The following RORA variants were observed in gnomAD, a reference collection of about 807,000 sequenced individuals.
RORA encodes nuclear receptor ROR-alpha.
Under a neutral mutation model 69.5 loss-of-function variants are expected in RORA, and 7 were observed. The observed-to-expected ratio is 0.10, with a 90% CI of 0.06 to 0.19. The LOEUF (loss-of-function observed/expected upper bound fraction) is 0.19. Ranked by LOEUF, RORA falls within the 10% of genes least tolerant of loss-of-function variation. RORA has a pLI of 1.00. For missense variants in RORA, 457 were observed against 663.0 expected (o/e 0.69, Z 3.41); for synonymous variants, 261 against 240.8 (o/e 1.08, Z -0.78).
intron 3 of RORA, among the ~76,000 whole-genome samples, chr15:60,515,983 ATATATATT>A (rs1567051101): frequency 1.5e-3 from 11 of 7,424 alleles, no homozygotes; most frequent in African/African-American, 3.5e-3. Flanking sequence ...TTATATATTT[ATATATATT>A]TATATATATT....
intron 1 of RORA, among the ~76,000 whole-genome samples, chr15:60,917,195 CA>C (rs1891900144): frequency 2.0e-5 from 3 of 152,214 alleles, no homozygotes; most frequent in African/African-American, 7.2e-5. Flanking sequence ...AAATGTCATG[CA>C]TTTTCAATCC....
intron 1 of RORA, among the ~76,000 whole-genome samples, chr15:60,950,947 C>T (rs1202225666): frequency 6.6e-6 from 1 of 150,468 alleles, no homozygotes; most frequent in East Asian, 2.0e-4. Context: ...ACGTAATAGA[C>T]ATCTACAGAA....
At chr15:61,037,922 G>A (rs1896542914) in intron 1 of RORA, among the ~76,000 whole-genome samples, 1 of 152,156 alleles carries the variant, frequency 6.6e-6, no homozygotes, top group African/African-American at 2.4e-5. Flanking sequence ...AATAAGGCAA[G>A]CCTATGAAAT....
intron 1 of RORA, among the ~76,000 whole-genome samples, chr15:61,221,258 G>A (rs1447775228): frequency 6.6e-6 from 1 of 152,150 alleles, no homozygotes; most frequent in African/African-American, 2.4e-5. Context: ...TCATATTTAT[G>A]GCTTTTGTTT....
At chr15:61,143,128 G>A (rs1281732231) in intron 1 of RORA, among the ~76,000 whole-genome samples, 1 of 152,086 alleles carries the variant, frequency 6.6e-6, no homozygotes, top group African/African-American at 2.4e-5. Flanking sequence ...GATACATTAG[G>A]AGAGAAGGCA....
At chr15:61,200,232 T>C (rs986590925) in intron 1 of RORA, among the ~76,000 whole-genome samples, 1 of 152,196 alleles carries the variant, frequency 6.6e-6, no homozygotes, top group Admixed American at 6.5e-5. Flanking sequence ...ACTGACTTTC[T>C]GAGGAATGGC....
rs1331866838 is a variant in RORA at position 60,951,146 on chromosome 15, T to C, written c.167-272460A>G. Reference sequence around the variant, plus strand: ...CGGGATTAAGAATCTCACTCAAAACTGCTCAACTACATGGAAACTGAACAA... The same window carrying C: ...CGGGATTAAGAATCTCACTCAAAACCGCTCAACTACATGGAAACTGAACAA... On this transcript the variant is annotated intron_variant, in intron 1 of 10. Coordinates refer to ENST00000335670, the MANE Select transcript of RORA (RefSeq NM_134261.3). 1.1e-4 allele frequency among the ~76,000 whole-genome samples: 17 copies of C among 152,250 alleles called. No homozygotes were observed. The East Asian group carries it at 2.3e-3, about 21-fold the overall frequency.
At chr15:60,647,039 C>G (rs1239311698) in intron 2 of RORA, among the ~76,000 whole-genome samples, 3 of 152,220 alleles carry the variant, frequency 2.0e-5, no homozygotes, top group Non-Finnish European at 4.4e-5. Context: ...AGAGATGTAA[C>G]TAGCTATTCT....
chr15:61,134,572 T>C (rs2079219486), intron 1 of RORA, among the ~76,000 whole-genome samples: 1 of 152,182 alleles, frequency 6.6e-6, no homozygotes. Flanking sequence ...CTGCAAGAAT[T>C]CCTATTCTCA....
At chr15:61,016,333 T>C (rs1041048810) in intron 1 of RORA, among the ~76,000 whole-genome samples, 3 of 152,188 alleles carry the variant, frequency 2.0e-5, no homozygotes, top group Admixed American at 2.0e-4. Flanking sequence ...GTTGCCGTCA[T>C]CATTGCTTCT....
chr15:61,010,719 G>A (rs1406551964), intron 1 of RORA, among the ~76,000 whole-genome samples: 2 of 152,118 alleles, frequency 1.3e-5, no homozygotes, highest in Non-Finnish European at 2.9e-5. Context: ...AAACATCAAT[G>A]AAGTCATATT....
intron 1 of RORA, among the ~76,000 whole-genome samples, chr15:60,976,923 G>A (rs1415663719): frequency 6.6e-6 from 1 of 152,142 alleles, no homozygotes; most frequent in Non-Finnish European, 1.5e-5. Context: ...TTATGAGTCT[G>A]TGCCTGGAAG....
chr15:60,511,159 C>T lies in RORA; in HGVS notation c.820+67G>A, dbSNP rs1242339749. On this transcript the variant is annotated intron_variant, in intron 5 of 10. Transcript: ENST00000335670. The surrounding 1 kb of genome is among the most constrained non-coding windows in gnomAD (Gnocchi z 6.4). ...TTAGCAGAACTCATTAGAGGAAAGT[C>T]AGACATACCCCTTTTACTTCAAAGG... The T allele has an allele frequency of 2.0e-6, 3 of 1,502,584 alleles. No individual in the cohort carries two copies. The highest frequency in any genetic ancestry group is 1.8e-6 in the Non-Finnish European group (2 of 1,112,400). The allele number at this position is 1,502,584 out of a possible 1,614,324, so 93.1% of individuals were successfully genotyped here. A position where few individuals can be genotyped will look rare whatever the true frequency, so the allele number is the denominator to read the frequency against.
chr15:61,229,202 G>T lies in RORA; in HGVS notation c.17C>A (p.Ala6Glu), dbSNP rs1596088862. The T allele has an allele frequency of 6.5e-7, 1 of 1,541,998 alleles. No homozygotes were observed. Among genetic ancestry groups the T allele is most frequent in the South Asian group, 1.2e-5 (1 of 82,808 alleles). MESAPAAPDPAASEPG... is the reference protein window; with the variant it reads MESAPEAPDPAASEPG... ...CTCGCTGGCGGCGGGGTCGGGGGCT[G>T]CCGGAGCTGACTCCATGTTTTTTCC... The change falls in exon 1 of 11, where the codon GCA (alanine) becomes GAA (glutamate). Residue 6 changes from alanine (A) to glutamate (E), a missense_variant. Coordinates refer to ENST00000335670, the MANE Select transcript of RORA (RefSeq NM_134261.3).
chr15:60,518,669 C>T (rs2066049858), intron 3 of RORA, among the ~76,000 whole-genome samples: 1 of 152,250 alleles, frequency 6.6e-6, no homozygotes, highest in Admixed American at 6.5e-5. Context: ...GCCCCTACCT[C>T]CTAGCGCCGT....
At chr15:60,800,270 G>C (rs1404305761) in intron 1 of RORA, among the ~76,000 whole-genome samples, 1 of 152,266 alleles carries the variant, frequency 6.6e-6, no homozygotes, top group African/African-American at 2.4e-5. Flanking sequence ...ATGACACGCT[G>C]TTCCACTTAA....
chr15:61,145,421 A>T lies in RORA; in HGVS notation c.166+83632T>A, dbSNP rs115094642. Reference sequence around the variant, plus strand: ...TCTGTCATACAACTGAATGTGGGGGAGTCCAGGCTACATCTAGATGTGTAC... The same window carrying T: ...TCTGTCATACAACTGAATGTGGGGGTGTCCAGGCTACATCTAGATGTGTAC... On this transcript the variant is annotated intron_variant, in intron 1 of 10. Transcript: ENST00000335670. Among the ~76,000 whole-genome samples the T allele has an allele frequency of 2.7e-3, 410 of 152,328 alleles. 3 individuals carry two copies. The highest frequency in any genetic ancestry group is 9.4e-3 in the African/African-American group (389 of 41,562).
rs3053963 is a variant in RORA at position 61,053,848 on chromosome 15, G to GATATAT, written c.166+175199_166+175204dup. Among the ~76,000 whole-genome samples the GATATAT allele has an allele frequency of 2.5e-3, 227 of 90,654 alleles. 10 individuals carry two copies. The highest frequency in any genetic ancestry group is 2.6e-3 in the East Asian group (7 of 2,652). The allele number at this position is 90,654 out of a possible 152,430, so 59.5% of individuals were successfully genotyped here. A position where few individuals can be genotyped will look rare whatever the true frequency, so the allele number is the denominator to read the frequency against. On this transcript the variant is annotated intron_variant, in intron 1 of 10. Transcript: ENST00000335670. Reference sequence around the variant, plus strand: ...AGCATGAAGAGTGTTTAGACTTCATGATATATATATATATAAACATTCTTC... The same window carrying GATATAT: ...AGCATGAAGAGTGTTTAGACTTCATGATATATATATATATATATATAAACATTCTTC...
chr15:61,171,607 GC>G (rs2079585779), intron 1 of RORA, among the ~76,000 whole-genome samples: 1 of 152,182 alleles, frequency 6.6e-6, no homozygotes, highest in South Asian at 2.1e-4. Context: ...CTGCAGAGCT[GC>G]TAGCCCTACT....
Sources: allele counts gnomAD v4.1 joint callset (sites outside exome capture counted in the v4.1 genomes callset), GRCh38; gene constraint gnomAD v4.1.1; non-coding constraint Gnocchi (gnomAD v3.1); transcripts MANE v1.5; gene names NCBI Gene and HGNC (gene_info 2026-07-23, HGNC 2026-07-21).